The following WDR89 variants were observed in gnomAD, a reference collection of about 807,000 sequenced individuals.
WDR89 encodes WD repeat domain 89.
In WDR89, 17 loss-of-function variants were observed where a neutral mutation model predicts 29.1. That is an observed-to-expected ratio of 0.58 (90% CI 0.40 to 0.88). The LOEUF is 0.88. Ranked by LOEUF, WDR89 falls within the 40% of genes least tolerant of loss-of-function variation. The pLI, the probability that WDR89 is intolerant of heterozygous loss-of-function variation, is 0.00. For missense variants in WDR89, 396 were observed against 456.3 expected, an observed-to-expected ratio of 0.87 and a Z score of 1.20; for synonymous variants, 138 against 157.8, an observed-to-expected ratio of 0.87 and a Z score of 0.94.
At chr14:63,604,745 G>A (rs1470849707) in intron 2 of WDR89, among the ~76,000 whole-genome samples, 1 of 152,094 alleles carries the variant, frequency 6.6e-6, no homozygotes, top group Non-Finnish European at 1.5e-5. Context: ...TTAATAAGTG[G>A]TTGCTGAATA....
intron 2 of WDR89, among the ~76,000 whole-genome samples, chr14:63,612,782 A>G (rs1451369471): frequency 6.6e-6 from 1 of 152,162 alleles, no homozygotes; most frequent in African/African-American, 2.4e-5. Context: ...GAAAGTAGTA[A>G]GTACTCCTAC....
At chr14:63,601,254 C>T (rs753616899) in intron 2 of WDR89, among the ~76,000 whole-genome samples, 1 of 151,808 alleles carries the variant, frequency 6.6e-6, no homozygotes, top group Non-Finnish European at 1.5e-5. Flanking sequence ...ACGAATACAA[C>T]AGAGGTTCCC....
At chr14:63,617,630 A>G (rs1882403573) in intron 2 of WDR89, among the ~76,000 whole-genome samples, 1 of 152,010 alleles carries the variant, frequency 6.6e-6, no homozygotes, top group Non-Finnish European at 1.5e-5. Flanking sequence ...AGTTACAGGC[A>G]CCCACCACCA....
chr14:63,603,263 T>TAC (rs111304246), intron 2 of WDR89, among the ~76,000 whole-genome samples: 6,078 of 149,646 alleles, frequency 0.041, 320 homozygotes, highest in African/African-American at 0.12. Context: ...TTTCTCTCTC[T>TAC]ACACACACAC....
Position 63,599,903 on chromosome 14 carries a change from C to G in WDR89, c.40G>C (p.Val14Leu). Residue 14 changes from valine (V) to leucine (L), a missense_variant, in exon 3 of 3, where the codon GTT becomes CTT. Physicochemically the swap from Val to Leu is conservative, Grantham distance 32. Transcript: ENST00000620954. ...IEEQFANLHI[V>L]KCSLGTKEPT... ...TCTTTGGTTCCTAAGGAACATTTAA[C>G]AATGTGCAGATTAGCAAATTGTTCC... The G allele has an allele frequency of 6.2e-7, 1 of 1,611,658 alleles. No homozygotes were observed. Among genetic ancestry groups the G allele is most frequent in the Non-Finnish European group, 8.5e-7 (1 of 1,178,308 alleles).
rs191199469 is a variant in WDR89, at chr14:63,614,962, T to C, written c.-32+9966A>G. 3.0e-3 allele frequency among the ~76,000 whole-genome samples: 454 copies of C among 152,326 alleles called. 4 individuals carry two copies. The highest frequency in any genetic ancestry group is 7.9e-3 in the South Asian group (38 of 4,830). Reference sequence around the variant, plus strand: ...CCAAGATAGTGGTTGCAGCAACATATGGCATCCCATGCATTAAATACATTA... The same window carrying C: ...CCAAGATAGTGGTTGCAGCAACATACGGCATCCCATGCATTAAATACATTA... On this transcript the variant is annotated intron_variant, in intron 2 of 2. Transcript: ENST00000620954.
intron 2 of WDR89, among the ~76,000 whole-genome samples, chr14:63,620,782 C>T (rs1882647850): frequency 6.6e-6 from 1 of 151,594 alleles, no homozygotes; most frequent in African/African-American, 2.4e-5. Flanking sequence ...CCTGTAGTCT[C>T]AGCTACTCAG....
intron 1 of WDR89, among the ~76,000 whole-genome samples, chr14:63,632,338 C>G (rs1883459855): frequency 6.6e-6 from 1 of 151,062 alleles, no homozygotes; most frequent in Non-Finnish European, 1.5e-5. Context: ...CACTTAAAAA[C>G]TAGGAAAGTA....
chr14:63,640,104 G>A (rs1352993071), intron 1 of WDR89, among the ~76,000 whole-genome samples: 1 of 152,170 alleles, frequency 6.6e-6, no homozygotes, highest in Non-Finnish European at 1.5e-5. Context: ...TCACAGGAAA[G>A]TATTCCTGAA....
intron 2 of WDR89, among the ~76,000 whole-genome samples, chr14:63,613,367 A>G (rs374802421): frequency 4.6e-5 from 7 of 152,288 alleles, no homozygotes; most frequent in African/African-American, 1.7e-4. Flanking sequence ...CCAACCTCTT[A>G]ATGTTATTCA....
chr14:63,624,622 A>G (rs1882918385), intron 2 of WDR89, among the ~76,000 whole-genome samples: 1 of 152,160 alleles, frequency 6.6e-6, no homozygotes. Context: ...CAACCAAATT[A>G]TAAGACAAAT....
chr14:63,625,309 T>C (rs1882961464), intron 1 of WDR89, among the ~76,000 whole-genome samples: 1 of 152,222 alleles, frequency 6.6e-6, no homozygotes, highest in Non-Finnish European at 1.5e-5. Flanking sequence ...CCATTGATTA[T>C]TAAGGGGCAC....
chr14:63,609,423 C>T (rs1881807196), intron 2 of WDR89, among the ~76,000 whole-genome samples: 1 of 152,162 alleles, frequency 6.6e-6, no homozygotes, highest in African/African-American at 2.4e-5. Flanking sequence ...TCTGAATAAA[C>T]TACAGCCACA....
At chr14:63,641,097 C>CAAAA (rs57478091) in intron 1 of WDR89, among the ~76,000 whole-genome samples, 1 of 64,164 alleles carries the variant, frequency 1.6e-5, no homozygotes, top group Non-Finnish European at 3.5e-5. Flanking sequence ...GACTCCATCT[C>CAAAA]AAAAAAAAAA....
intron 1 of WDR89, among the ~76,000 whole-genome samples, chr14:63,636,235 GA>G (rs1331042896): frequency 6.6e-6 from 1 of 152,034 alleles, no homozygotes; most frequent in African/African-American, 2.4e-5. Flanking sequence ...CCTCTACAAG[GA>G]AAACTACAAA....
chr14:63,637,583 T>C (rs555709375), intron 1 of WDR89, among the ~76,000 whole-genome samples: 1 of 152,230 alleles, frequency 6.6e-6, no homozygotes, highest in South Asian at 2.1e-4. Context: ...TATGTGTGTG[T>C]ATATATATGT....
At chr14:63,600,462 T>C (rs1895008560) in intron 2 of WDR89, among the ~76,000 whole-genome samples, 1 of 151,822 alleles carries the variant, frequency 6.6e-6, no homozygotes, top group Non-Finnish European at 1.5e-5. Flanking sequence ...GTCACTGTCA[T>C]ACAGCCTGGG....
intron 2 of WDR89, chr14:63,601,781 A>C: frequency 1.6e-6 from 2 of 1,244,634 alleles, no homozygotes; most frequent in Non-Finnish European, 2.3e-6. Context: ...TCCTATTTAG[A>C]GATGGTGACG....
At chr14:63,608,812 G>A (rs1194550897) in intron 2 of WDR89, among the ~76,000 whole-genome samples, 2 of 152,030 alleles carry the variant, frequency 1.3e-5, no homozygotes, top group African/African-American at 4.8e-5. Flanking sequence ...AGGAAGACAG[G>A]TGGCTGGGTG....
Sources: gnomAD v4.1 joint callset for allele counts (sites outside exome capture counted in the v4.1 genomes callset) on GRCh38, gnomAD v4.1.1 for gene constraint, MANE v1.5 for transcripts, NCBI Gene and HGNC (gene_info 2026-07-23, HGNC 2026-07-21) for gene names.